The following LRRC7 variants were observed in gnomAD, a reference collection of about 807,000 sequenced individuals.
LRRC7 encodes the protein leucine rich repeat containing 7.
LRRC7 carries 23 observed loss-of-function variants against 175.7 expected under a neutral mutation model. The ratio of observed to expected loss-of-function variants is 0.13; its 90% CI spans 0.09 to 0.19. The LOEUF (loss-of-function observed/expected upper bound fraction) is 0.19, where lower values mean the gene tolerates loss of function less well. LRRC7 is among the 10% of genes least tolerant of loss of function. LRRC7 has a pLI of 1.00. For synonymous variants in LRRC7, 685 were observed against 680.9 expected (o/e 1.01, Z -0.09); for missense variants, 1,354 against 1,904.7 (o/e 0.71, Z 5.38).
chr1:69,790,932 C>A (rs192318551), intron 3 of LRRC7, among the ~76,000 whole-genome samples: 96 of 151,990 alleles, frequency 6.3e-4, no homozygotes, highest in African/African-American at 2.2e-3. Context: ...ACAACCAGCC[C>A]AATTTATTTT....
intron 2 of LRRC7, among the ~76,000 whole-genome samples, chr1:69,690,356 A>G (rs1003937040): frequency 3.3e-5 from 5 of 152,230 alleles, no homozygotes; most frequent in Admixed American, 2.6e-4. Flanking sequence ...AATGGCCTCA[A>G]TAACTAGAAG....
intron 1 of LRRC7, among the ~76,000 whole-genome samples, chr1:69,654,843 TAAC>T (rs146698492): frequency 4.1e-4 from 63 of 152,254 alleles, no homozygotes; most frequent in Non-Finnish European, 7.7e-4. Flanking sequence ...ATTGTTTTAA[TAAC>T]AAACTGGCTG....
At chr1:69,943,597 A>G (rs894129748) in intron 8 of LRRC7, among the ~76,000 whole-genome samples, 3 of 152,122 alleles carry the variant, frequency 2.0e-5, no homozygotes, top group Admixed American at 6.6e-5. Flanking sequence ...CATATGAGTT[A>G]TATTTCAATG....
chr1:69,825,683 A>G (rs1679824495), intron 4 of LRRC7, 65 bp from the exon 5 acceptor site: 2 of 1,011,524 alleles, frequency 2.0e-6, no homozygotes, highest in Non-Finnish European at 3.0e-6. Context: ...TCTAAATATT[A>G]GAACTATAGT....
intron 23 of LRRC7, among the ~76,000 whole-genome samples, chr1:70,068,834 G>A (rs622549): frequency 6.6e-6 from 1 of 151,848 alleles, no homozygotes; most frequent in Non-Finnish European, 1.5e-5. Context: ...TCCTACCTCA[G>A]CCTCTCGAGT....
intron 2 of LRRC7, among the ~76,000 whole-genome samples, chr1:69,711,946 T>G (rs1361917958): frequency 6.6e-6 from 1 of 152,158 alleles, no homozygotes; most frequent in East Asian, 1.9e-4. Context: ...AATTAGCATG[T>G]ACCTAATATG....
intron 26 of LRRC7, among the ~76,000 whole-genome samples, chr1:70,121,340 A>G (rs896516187): frequency 3.9e-5 from 6 of 152,098 alleles, no homozygotes; most frequent in Non-Finnish European, 7.4e-5. Flanking sequence ...TAAATGTACT[A>G]TAAGTGTCCA....
intron 3 of LRRC7, among the ~76,000 whole-genome samples, chr1:69,784,425 C>A (rs1674161384): frequency 6.6e-6 from 1 of 151,952 alleles, no homozygotes; most frequent in South Asian, 2.1e-4. Context: ...CTGTGTATTT[C>A]ACAATAAGAC....
rs1307846515 is a variant in LRRC7, at chr1:70,137,024, T to C, written c.*15137T>C. Among the ~76,000 whole-genome samples the C allele has an allele frequency of 6.6e-6, 1 of 152,068 alleles. No individual in the cohort carries two copies. The highest frequency in any genetic ancestry group is 1.5e-5 in the Non-Finnish European group (1 of 67,986). On this transcript the variant is annotated 3_prime_UTR_variant, in exon 27 of 27. Transcript: ENST00000651989. ...ATAGGCATGAGCCACCATCCTCGGC[T>C]CTATTGCTTTTATAATATGACCCAA...
chr1:69,827,136 T>C (rs754406930), intron 5 of LRRC7, among the ~76,000 whole-genome samples: 3 of 152,316 alleles, frequency 2.0e-5, no homozygotes, highest in Non-Finnish European at 2.9e-5. Context: ...TAGACCAAAA[T>C]GCAATTTTTT....
At chr1:70,023,473 G>C in intron 17 of LRRC7, 99 bp downstream of exon 17, 39 of 1,247,264 alleles carry the variant, frequency 3.1e-5, no homozygotes, top group Non-Finnish European at 4.1e-5. Context: ...GGTAAGAAAT[G>C]TTGATCACAT....
At chr1:69,827,194 C>A (rs1460497393) in intron 5 of LRRC7, among the ~76,000 whole-genome samples, 1 of 152,160 alleles carries the variant, frequency 6.6e-6, no homozygotes, top group Non-Finnish European at 1.5e-5. Flanking sequence ...ACCAGGACTA[C>A]AGTCATGTCC....
intron 7 of LRRC7, among the ~76,000 whole-genome samples, chr1:69,908,562 G>C (rs1646404860): frequency 6.6e-6 from 1 of 152,066 alleles, no homozygotes; most frequent in South Asian, 2.1e-4. Flanking sequence ...TTTCCATGTA[G>C]TTGAGCGGTT....
chr1:69,862,374 A>G (rs1684445734), intron 7 of LRRC7, among the ~76,000 whole-genome samples: 1 of 152,160 alleles, frequency 6.6e-6, no homozygotes, highest in South Asian at 2.1e-4. Context: ...AAGGAAATGA[A>G]ACTTTTTATA....
chr1:69,905,176 A>G (rs888203791), intron 7 of LRRC7, among the ~76,000 whole-genome samples: 2 of 152,094 alleles, frequency 1.3e-5, no homozygotes, highest in Non-Finnish European at 2.9e-5. Context: ...TTTATGCTAG[A>G]GTAATTTATA....
intron 1 of LRRC7, among the ~76,000 whole-genome samples, chr1:69,651,239 T>G (rs1042352817): frequency 8.5e-5 from 13 of 152,138 alleles, no homozygotes; most frequent in African/African-American, 3.1e-4. Flanking sequence ...TTAAAAACAT[T>G]GTTTTCTGAG....
chr1:69,688,681 C>T (rs1661488847), intron 2 of LRRC7, among the ~76,000 whole-genome samples: 1 of 150,528 alleles, frequency 6.6e-6, no homozygotes. Context: ...GAAAATACTC[C>T]CTATTTTATC....
chr1:69,815,029 A>G (rs1678418726), intron 4 of LRRC7, among the ~76,000 whole-genome samples: 1 of 152,106 alleles, frequency 6.6e-6, no homozygotes, highest in Non-Finnish European at 1.5e-5. Context: ...GTTCAAACAC[A>G]TTAGTTGTTC....
chr1:70,024,962 T>G (rs1657930876), intron 17 of LRRC7, among the ~76,000 whole-genome samples: 1 of 152,094 alleles, frequency 6.6e-6, no homozygotes, highest in Non-Finnish European at 1.5e-5. Context: ...GCCATTTAAC[T>G]CAGAGAAATT....
Sources: gnomAD v4.1 joint callset for allele counts (sites outside exome capture counted in the v4.1 genomes callset) on GRCh38, gnomAD v4.1.1 for gene constraint, MANE v1.5 for transcripts, NCBI Gene and HGNC (gene_info 2026-07-23, HGNC 2026-07-21) for gene names.